Variants in FSIP2 observed in about 807,000 individuals in gnomAD.
The protein encoded by FSIP2 is fibrous sheath-interacting protein 2.
In FSIP2, 367 loss-of-function variants were observed where a neutral mutation model predicts 510.5. The observed-to-expected ratio is 0.72, with a 90% confidence interval of 0.66 to 0.78. The LOEUF is 0.78. Among genes scored for constraint, FSIP2 ranks in the 30% least tolerant of loss-of-function variants. The probability of loss-of-function intolerance (pLI) is 0.00; values close to 1 mark genes in which losing one functional copy is unlikely to be tolerated. For missense variants in FSIP2, 7,594 were observed against 7,901.7 expected (o/e 0.96, Z 1.48); for synonymous variants, 2,601 against 2,732.2 (o/e 0.95, Z 1.50).
intron 17 of FSIP2, among the ~76,000 whole-genome samples, chr2:185,810,087 G>C (rs563363495): frequency 6.6e-6 from 1 of 152,100 alleles, no homozygotes; most frequent in African/African-American, 2.4e-5. Context: ...GCCTCCTGGA[G>C]CATAAGCTTA....
chr2:185,796,566 A>G lies in FSIP2; in HGVS notation c.9430A>G (p.Ser3144Gly), dbSNP rs1217397665. 1 of 1,534,936 alleles carries G rather than the reference A, an allele frequency of 6.5e-7. No individual in the cohort carries two copies. The highest frequency in any genetic ancestry group is 8.7e-7 in the Non-Finnish European group (1 of 1,146,224). ...TTTGATACAAAACCTTTCAAGAGAA[A>G]GTTTGTTCCAAGGAGCTGAAAATGC... ...ESLIQNLSRE[S>G]LFQGAENAYT... Residue 3144 changes from serine (S) to glycine (G), a missense_variant, in exon 16 of 23, where the codon AGT (serine) becomes GGT (glycine). Coordinates refer to ENST00000424728, the MANE Select transcript of FSIP2 (RefSeq NM_173651.4).
chr2:185,818,137 A>C (rs576034025), intron 19 of FSIP2, among the ~76,000 whole-genome samples: 6 of 152,034 alleles, frequency 3.9e-5, no homozygotes, highest in Non-Finnish European at 7.4e-5. Context: ...TGTGCTCATA[A>C]AAATTAAAAA....
chr2:185,746,864 A>C, intron 6 of FSIP2, 54 bp downstream of exon 6: 1 of 1,258,988 alleles, frequency 7.9e-7, no homozygotes, highest in Non-Finnish European at 1.1e-6. Flanking sequence ...CAGTTGTTGC[A>C]TTTGTAAATA....
rs577504509 is a variant in FSIP2 at position 185,816,505 on chromosome 2, T to G, written c.20426+1034T>G. On this transcript the variant is annotated intron_variant, in intron 19 of 22. Transcript: ENST00000424728. ...CTGACTAACACAATTTTATAACAGCTCTGGACAACGGTCTGCAGCAACCAA... is the reference window on the plus strand; with the variant it reads ...CTGACTAACACAATTTTATAACAGCGCTGGACAACGGTCTGCAGCAACCAA... Among the ~76,000 whole-genome samples, 376 of 151,860 alleles carry G rather than the reference T, an allele frequency of 2.5e-3. 2 individuals are homozygous for G. Among genetic ancestry groups the G allele is most frequent in the Non-Finnish European group, 4.3e-3 (292 of 67,894 alleles).
intron 2 of FSIP2, among the ~76,000 whole-genome samples, chr2:185,741,312 G>A (rs529483704): frequency 1.3e-5 from 2 of 152,114 alleles, no homozygotes; most frequent in East Asian, 3.9e-4. Context: ...TTTCTCAGAA[G>A]AATTTTCTCT....
chr2:185,745,285 GTC>G (rs1352314125), intron 4 of FSIP2, 142 bp from the exon 5 acceptor site: 8 of 454,698 alleles, frequency 1.8e-5, no homozygotes, highest in Non-Finnish European at 2.5e-5. Flanking sequence ...TGGTTTACTT[GTC>G]TGTGTCTTTA....
Position 185,739,477 on chromosome 2 carries a change from C to A in FSIP2, c.225+6C>A. 1 of 1,494,450 alleles carries A rather than the reference C, an allele frequency of 6.7e-7. No homozygotes were observed. The highest frequency in any genetic ancestry group is 8.9e-7 in the Non-Finnish European group (1 of 1,125,834). The allele number at this position is 1,494,450 out of a possible 1,614,324, so 92.6% of individuals were successfully genotyped here. ...CTACGAATTTCGGTGAAAAGGTGAA[C>A]AAGTTTTTATCGTCTTTCTTTCCTT... On this transcript the variant is annotated splice_donor_region_variant and intron_variant, in intron 2 of 22. Transcript: ENST00000424728.
intron 2 of FSIP2, among the ~76,000 whole-genome samples, chr2:185,740,774 T>A (rs1221606871): frequency 6.6e-6 from 1 of 152,016 alleles, no homozygotes; most frequent in Non-Finnish European, 1.5e-5. Flanking sequence ...TTCCCTGTGG[T>A]CTCTATAGGA....
chr2:185,760,646 G>T (rs774710235), intron 9 of FSIP2, among the ~76,000 whole-genome samples: 3 of 150,368 alleles, frequency 2.0e-5, no homozygotes, highest in Non-Finnish European at 4.5e-5. Flanking sequence ...AAATGAAAAA[G>T]AAAAGCAATA....
At chr2:185,749,026 T>G (rs1202830591) in intron 7 of FSIP2, among the ~76,000 whole-genome samples, 3 of 152,084 alleles carry the variant, frequency 2.0e-5, no homozygotes, top group Non-Finnish European at 4.4e-5. Flanking sequence ...CTCTCTTCTA[T>G]TCTTTGACCT....
In FSIP2 at chr2:185,794,318, C is replaced by T; in HGVS notation, c.7182C>T (p.Asp2394=). The T allele has an allele frequency of 6.6e-7, 1 of 1,522,204 alleles. No individual in the cohort carries two copies. Among genetic ancestry groups the T allele is most frequent in the Non-Finnish European group, 8.8e-7 (1 of 1,139,932 alleles). 94.3% of individuals were successfully genotyped at this position (1,522,204 alleles called of 1,614,324 possible). The change falls in exon 16 of 23, where the codon GAC becomes GAT. Residue 2394 remains aspartate, a synonymous_variant. Coordinates refer to ENST00000424728, the MANE Select transcript of FSIP2 (RefSeq NM_173651.4). ...QENIIVSEIV[D]SMLKMLDDKR... ...ACATCATTGTGAGTGAAATTGTTGA[C>T]AGTATGTTAAAGATGTTAGATGATA...
chr2:185,762,076 A>C, intron 11 of FSIP2, 59 bp downstream of exon 11: 1 of 782,598 alleles, frequency 1.3e-6, no homozygotes, highest in Non-Finnish European at 2.0e-6. Flanking sequence ...TTATAGTTTT[A>C]TTATATATTT....
intron 9 of FSIP2, among the ~76,000 whole-genome samples, chr2:185,758,258 G>A (rs760736752): frequency 2.0e-5 from 3 of 150,746 alleles, no homozygotes; most frequent in Non-Finnish European, 3.0e-5. Flanking sequence ...TTCCATGTTC[G>A]GGTGATTATG....
At chr2:185,769,776 C>A (rs1189748417) in intron 13 of FSIP2, among the ~76,000 whole-genome samples, 1 of 152,142 alleles carries the variant, frequency 6.6e-6, no homozygotes. Context: ...AGTCTTTAAT[C>A]CATCTTGTGT....
rs765190765 is a variant in FSIP2, at chr2:185,813,963, T to C, written c.20246T>C (p.Val6749Ala). Reference sequence around the variant, plus strand: ...AAGGAGACACATGTTAAAAGAGCTGTTGCTGAGCTTGACATGGCCACACCA... The same window carrying C: ...AAGGAGACACATGTTAAAAGAGCTGCTGCTGAGCTTGACATGGCCACACCA... ...ESKETHVKRA[V>A]AELDMATPKT... The change falls in exon 18 of 23, where the codon GTT (valine) becomes GCT (alanine). Residue 6749 changes from valine to alanine, a missense_variant. Transcript: ENST00000424728. The C allele has an allele frequency of 6.2e-7, 1 of 1,613,522 alleles. No individual in the cohort carries two copies. The highest frequency in any genetic ancestry group is 1.1e-5 in the South Asian group (1 of 91,056).
chr2:185,781,810 T>G (rs1460258542), intron 13 of FSIP2, among the ~76,000 whole-genome samples: 1 of 151,914 alleles, frequency 6.6e-6, no homozygotes, highest in Non-Finnish European at 1.5e-5. Flanking sequence ...AAAATAGTGT[T>G]GTCTTCACAT....
chr2:185,777,262 G>A (rs1020957356), intron 13 of FSIP2, among the ~76,000 whole-genome samples: 2 of 152,030 alleles, frequency 1.3e-5, no homozygotes, highest in African/African-American at 4.8e-5. Context: ...TCAGCAGAGG[G>A]CTTAATATTT....
rs199839864 is a variant in FSIP2 at position 185,789,179 on chromosome 2, A to C, written c.2043A>C (p.Lys681Asn). The C allele has an allele frequency of 6.1e-5, 93 of 1,534,614 alleles. No homozygotes were observed. Among genetic ancestry groups the C allele is most frequent in the Non-Finnish European group, 7.7e-5 (88 of 1,145,828 alleles). Residue 681 changes from lysine to asparagine, a missense_variant, in exon 16 of 23, where the codon AAA becomes AAC. By Grantham distance (94) the Lys-to-Asn change is moderately conservative. Coordinates refer to ENST00000424728, the MANE Select transcript of FSIP2 (RefSeq NM_173651.4). ...CATTGCATTGTGATAAAACAGCAAAAGCCATGGATGAAATGAAGAATTTAA... is the reference window on the plus strand; with the variant it reads ...CATTGCATTGTGATAAAACAGCAAACGCCATGGATGAAATGAAGAATTTAA... ...GSSLHCDKTA[K>N]AMDEMKNLKN...
chr2:185,799,704 T>A lies in FSIP2; in HGVS notation c.10398T>A (p.Ser3466Arg), dbSNP rs1693378543. The change falls in exon 17 of 23, where the codon AGT becomes AGA. Residue 3466 changes from serine (S) to arginine (R), a missense_variant. Ser to Arg is a moderately radical substitution (Grantham distance 110). Coordinates refer to ENST00000424728, the MANE Select transcript of FSIP2 (RefSeq NM_173651.4). The stretch of plus-strand genomic sequence containing the variant: ...AATGTTTCCTTTTTTAAGTTTTTAG[T>A]GAGGAAAAGATGTCTGTTTCTACAT... The part of the protein sequence containing the change: ...YLKNFETTVF[S>R]EEKMSVSTWS... The A allele has an allele frequency of 1.6e-6, 2 of 1,289,332 alleles. No individual in the cohort carries two copies. Among genetic ancestry groups the A allele is most frequent in the Admixed American group, 6.5e-5 (2 of 30,548 alleles). 79.9% of individuals were successfully genotyped at this position (1,289,332 alleles called of 1,614,324 possible).
Sources: gnomAD v4.1 joint callset for allele counts (sites outside exome capture counted in the v4.1 genomes callset) on GRCh38, gnomAD v4.1.1 for gene constraint, MANE v1.5 for transcripts, NCBI Gene and HGNC (gene_info 2026-07-23, HGNC 2026-07-21) for gene names.